HSPG2: variants seen among roughly 807,000 people sequenced by gnomAD.
HSPG2 encodes heparan sulfate proteoglycan 2.
In HSPG2, 278 loss-of-function variants were observed where a neutral mutation model predicts 526.6. The observed-to-expected ratio is 0.53, with a 90% CI of 0.48 to 0.58. The LOEUF (loss-of-function observed/expected upper bound fraction) is 0.58, where lower values mean the gene tolerates loss of function less well. HSPG2 is among the 20% of genes least tolerant of loss of function. The pLI, the probability that HSPG2 is intolerant of heterozygous loss-of-function variation, is 0.00. For missense variants in HSPG2, 5,354 were observed against 6,099.5 expected, an observed-to-expected ratio of 0.88 and a Z score of 4.07; for synonymous variants, 2,465 against 2,555.4, an observed-to-expected ratio of 0.96 and a Z score of 1.07.
chr1:21,908,421 C>G (rs953480935), intron 1 of HSPG2: 2 of 881,866 alleles, frequency 2.3e-6, no homozygotes, highest in African/African-American at 3.3e-5. Context: ...TCCTGAAACG[C>G]GTGAAGGAGA....
chr1:21,906,632 C>T (rs777460242), intron 1 of HSPG2, among the ~76,000 whole-genome samples: 4 of 149,104 alleles, frequency 2.7e-5, no homozygotes, highest in Non-Finnish European at 4.5e-5. Flanking sequence ...TGGGAATAGG[C>T]GCGGGGGAGA....
chr1:21,882,724 T>C (rs1238051645), intron 13 of HSPG2, among the ~76,000 whole-genome samples: 1 of 152,102 alleles, frequency 6.6e-6, no homozygotes, highest in East Asian at 1.9e-4. Flanking sequence ...GACTGCCACA[T>C]TGGATGGTGC....
chr1:21,829,969 G>T, intron 86 of HSPG2, 24 bp downstream of exon 86: 1 of 1,579,074 alleles, frequency 6.3e-7, no homozygotes, highest in East Asian at 2.3e-5. Context: ...GGACCCTGGG[G>T]GTCTCAGGCC....
chr1:21,836,548 C>T (rs550437698), intron 75 of HSPG2, among the ~76,000 whole-genome samples: 31 of 152,290 alleles, frequency 2.0e-4, no homozygotes, highest in Admixed American at 1.5e-3. Context: ...GTCTCAAACT[C>T]CTGACCTCAG....
intron 1 of HSPG2, among the ~76,000 whole-genome samples, chr1:21,913,278 C>T (rs1445494298): frequency 6.6e-6 from 1 of 152,158 alleles, no homozygotes; most frequent in African/African-American, 2.4e-5. Context: ...CAGTCTCAAC[C>T]TCTGGCACCC....
chr1:21,863,244 G>A lies in HSPG2; in HGVS notation c.4740+856C>T, dbSNP rs187679535. Among the ~76,000 whole-genome samples, 500 of 149,956 alleles carry A rather than the reference G, an allele frequency of 3.3e-3. 3 individuals carry two copies. Among genetic ancestry groups the A allele is most frequent in the African/African-American group, 0.011 (458 of 40,674 alleles). ...AAAAATTAGCCGGGTGTGGTAGCGGGCGCCTGTAGTCCCAGCTACTCGGGA... is the reference window on the plus strand; with the variant it reads ...AAAAATTAGCCGGGTGTGGTAGCGGACGCCTGTAGTCCCAGCTACTCGGGA... On this transcript the variant is annotated intron_variant, in intron 37 of 96. Coordinates refer to ENST00000374695, the MANE Select transcript of HSPG2 (RefSeq NM_005529.7).
rs886046042 is a variant in HSPG2 at position 21,878,482 on chromosome 1, G to C, written c.2568C>G (p.Pro856=). ...GCTGGATGGGGTTGCCCTCGTATCCGGGGGCACAGCTAGGGGAGAGAGGGG... is the reference window on the plus strand; with the variant it reads ...GCTGGATGGGGTTGCCCTCGTATCCCGGGGCACAGCTAGGGGAGAGAGGGG... The part of the protein sequence containing the change: ...YTGRRCESCA[P]GYEGNPIQPG... Residue 856 remains proline, a synonymous_variant, in exon 20 of 97, where the codon CCC becomes CCG. Transcript: ENST00000374695. 6.8e-6 allele frequency: 11 copies of C among 1,611,802 alleles called. No individual in the cohort carries two copies. Among genetic ancestry groups the C allele is most frequent in the Non-Finnish European group, 9.3e-6 (11 of 1,178,676 alleles).
intron 1 of HSPG2, among the ~76,000 whole-genome samples, chr1:21,928,997 T>C (rs953270555): frequency 1.3e-5 from 2 of 150,784 alleles, no homozygotes; most frequent in East Asian, 3.9e-4. Flanking sequence ...CAACCTCAGG[T>C]GATCCGCCCG....
chr1:21,841,494 G>A (rs753807947), intron 70 of HSPG2, 45 bp downstream of exon 70: 4 of 1,612,870 alleles, frequency 2.5e-6, no homozygotes, highest in Non-Finnish European at 3.4e-6. Context: ...CTGAGAATCA[G>A]GGCTGGAAAC....
chr1:21,871,490 G>A (rs1640648727), intron 33 of HSPG2, among the ~76,000 whole-genome samples: 2 of 152,056 alleles, frequency 1.3e-5, no homozygotes, highest in African/African-American at 2.4e-5. Context: ...TCAAACTCCT[G>A]AGCTCAAGTG....
intron 91 of HSPG2, chr1:21,825,154 T>C (rs901621765): frequency 1.2e-5 from 4 of 328,146 alleles, no homozygotes; most frequent in Non-Finnish European, 2.3e-5. Context: ...TGGTAGCTAC[T>C]GAGATCACCA....
At chr1:21,860,618 A>G (rs894763257) in intron 39 of HSPG2, among the ~76,000 whole-genome samples, 5 of 151,942 alleles carry the variant, frequency 3.3e-5, no homozygotes, top group African/African-American at 1.2e-4. Context: ...CAGCCTCCCA[A>G]TTAGCTGGGA....
rs943665149 is a variant in HSPG2 at position 21,847,614 on chromosome 1, G to A, written c.8025+75C>T. ...TATCGGTCTACCCAGGGCCCAATCCGTGAGACAGGGAGCCTGCTCTGCTCA... is the reference window on the plus strand; with the variant it reads ...TATCGGTCTACCCAGGGCCCAATCCATGAGACAGGGAGCCTGCTCTGCTCA... On this transcript the variant is annotated intron_variant, in intron 61 of 96. Transcript: ENST00000374695. The surrounding 1 kb of genome is among the most constrained non-coding windows in gnomAD (Gnocchi z 4.1). 5 of 1,604,912 alleles carry A rather than the reference G, an allele frequency of 3.1e-6. No individual in the cohort carries two copies. Among genetic ancestry groups the A allele is most frequent in the African/African-American group, 1.3e-5 (1 of 74,726 alleles).
intron 57 of HSPG2, among the ~76,000 whole-genome samples, chr1:21,849,717 T>C (rs1176422996): frequency 2.0e-5 from 3 of 151,944 alleles, no homozygotes; most frequent in East Asian, 3.9e-4. Context: ...TCTTGCTCTG[T>C]CGCCCAGGCT....
rs1036404644 is a variant in HSPG2, at chr1:21,898,004, G to T, written c.64-1694C>A. ...ACCTCCGTTGGAATGGAAGCACCTT[G>T]AAGGCAAGGGCTGTGATGAATTCAT... On this transcript the variant is annotated intron_variant, in intron 1 of 96. Coordinates refer to ENST00000374695, the MANE Select transcript of HSPG2 (RefSeq NM_005529.7). This position sits in a 1 kb window ranked among gnomAD's most constrained non-coding sequence, Gnocchi z 4.0. Among the ~76,000 whole-genome samples the T allele has an allele frequency of 6.6e-6, 1 of 152,180 alleles. No individual in the cohort carries two copies. The highest frequency in any genetic ancestry group is 1.5e-5 in the Non-Finnish European group (1 of 68,036).
intron 1 of HSPG2, among the ~76,000 whole-genome samples, chr1:21,917,437 GTAAATAAATAAA>G (rs71569857): frequency 0.11 from 15,609 of 141,210 alleles, 960 homozygotes; most frequent in Non-Finnish European, 0.12. Context: ...TGTCTCAAAA[GTAAATAAATAAA>G]TAAATAAATA....
In HSPG2 at chr1:21,854,995, G is replaced by A. The variant is rs922649981; in HGVS notation, c.5998-12C>T. ...CGCTCTGACCGGGCCTGCCGTGGGTGAGATGGGTCAGCTGCCCCAGAGGCA... is the reference window on the plus strand; with the variant it reads ...CGCTCTGACCGGGCCTGCCGTGGGTAAGATGGGTCAGCTGCCCCAGAGGCA... On this transcript the variant is annotated splice_polypyrimidine_tract_variant and intron_variant, in intron 47 of 96. Coordinates refer to ENST00000374695, the MANE Select transcript of HSPG2 (RefSeq NM_005529.7). 1.9e-6 allele frequency: 3 copies of A among 1,611,408 alleles called. No individual in the cohort carries two copies. The highest frequency in any genetic ancestry group is 1.7e-6 in the Non-Finnish European group (2 of 1,179,956).
Position 21,852,700 on chromosome 1 carries a change from C to G in HSPG2, c.6724G>C (p.Gly2242Arg), listed in dbSNP as rs776539588. 1 of 1,613,420 alleles carries G rather than the reference C, an allele frequency of 6.2e-7. No individual in the cohort carries two copies. Among genetic ancestry groups the G allele is most frequent in the Admixed American group, 1.7e-5 (1 of 60,026 alleles). ...TTCCATGTCACTGGGAGTCACTCAC[C>G]AGGGATGACAGAGGCTTCGATGGTG... ...LVTIEASVIP[G>R]PIPPVRIESS... Residue 2242 changes from glycine to arginine, a missense_variant and splice_region_variant, in exon 52 of 97, where the codon GGA becomes CGA. Physicochemically the swap from Gly to Arg is moderately radical, Grantham distance 125 (BLOSUM62 -2). Coordinates refer to ENST00000374695, the MANE Select transcript of HSPG2 (RefSeq NM_005529.7).
chr1:21,847,220 G>T lies in HSPG2; in HGVS notation c.8164+134C>A. On this transcript the variant is annotated intron_variant, in intron 62 of 96. Coordinates refer to ENST00000374695, the MANE Select transcript of HSPG2 (RefSeq NM_005529.7). The surrounding 1 kb of genome is among the most constrained non-coding windows in gnomAD (Gnocchi z 4.1). ...AAATGTTAGAAATGGGGTAGCCGTAGCCACTGAACCCACGCATCTTTCCGC... is the reference window on the plus strand; with the variant it reads ...AAATGTTAGAAATGGGGTAGCCGTATCCACTGAACCCACGCATCTTTCCGC... 1.1e-6 allele frequency: 1 copy of T among 932,974 alleles called. No homozygotes were observed. The highest frequency in any genetic ancestry group is 1.7e-6 in the Non-Finnish European group (1 of 588,856). 57.8% of individuals were successfully genotyped at this position (932,974 alleles called of 1,614,324 possible).
Sources: allele counts gnomAD v4.1 joint callset (sites outside exome capture counted in the v4.1 genomes callset), GRCh38; gene constraint gnomAD v4.1.1; non-coding constraint Gnocchi (gnomAD v3.1); transcripts MANE v1.5; gene names NCBI Gene and HGNC (gene_info 2026-07-23, HGNC 2026-07-21).